The following IGSF10 variants were observed in gnomAD, a reference collection of about 807,000 sequenced individuals.
IGSF10 encodes the protein immunoglobulin superfamily member 10, also known as calvaria mechanical force protein 608.
A neutral mutation model predicts 128.2 loss-of-function variants in IGSF10; 126 were observed. The observed-to-expected ratio is 0.98, with a 90% CI of 0.85 to 1.14. IGSF10 has a LOEUF of 1.14. Ranked by LOEUF, IGSF10 falls within the 50% of genes most tolerant of loss-of-function variation. The probability of loss-of-function intolerance (pLI) is 0.00; values close to 1 mark genes in which losing one functional copy is unlikely to be tolerated. For missense variants in IGSF10, 3,295 were observed against 3,149.8 expected (o/e 1.05, Z -1.10); for synonymous variants, 1,185 against 1,146.2 (o/e 1.03, Z -0.68).
the IGSF10 span, among the ~76,000 whole-genome samples, chr3:151,611,519 C>T: frequency 6.6e-6 from 1 of 152,148 alleles, no homozygotes; most frequent in African/African-American, 2.4e-5. Context: ...AAAGAGAAAA[C>T]ACGAGAGCCA....
the IGSF10 span, among the ~76,000 whole-genome samples, chr3:151,533,531 C>T: frequency 6.6e-6 from 1 of 152,122 alleles, no homozygotes; most frequent in Non-Finnish European, 1.5e-5. Context: ...TTTGACAAAC[C>T]TGATAAAAAC....
chr3:151,618,228 G>A, the IGSF10 span, among the ~76,000 whole-genome samples: 1 of 152,084 alleles, frequency 6.6e-6, no homozygotes, highest in Non-Finnish European at 1.5e-5. Context: ...GAAGAGAGTC[G>A]TCACCAGTAA....
chr3:151,605,868 A>G, the IGSF10 span, among the ~76,000 whole-genome samples: 320 of 152,354 alleles, frequency 2.1e-3, 1 homozygote, highest in Non-Finnish European at 3.8e-3. Context: ...AGCTTAGACT[A>G]TATCAGAATC....
chr3:151,566,292 A>G, the IGSF10 span, among the ~76,000 whole-genome samples: 1 of 152,148 alleles, frequency 6.6e-6, no homozygotes, highest in African/African-American at 2.4e-5. Context: ...GATGAATAGT[A>G]GAAAAGATAG....
chr3:151,535,269 A>G, the IGSF10 span, among the ~76,000 whole-genome samples: 64 of 152,326 alleles, frequency 4.2e-4, no homozygotes, highest in East Asian at 0.01. Flanking sequence ...AAAAAATCCC[A>G]AATAAAAGAA....
At chr3:151,520,990 A>G in the IGSF10 span, among the ~76,000 whole-genome samples, 1 of 151,822 alleles carries the variant, frequency 6.6e-6, no homozygotes, top group Non-Finnish European at 1.5e-5. Context: ...GACCCATCTC[A>G]CACATAATGA....
rs1244901101 is a variant in IGSF10, at chr3:151,443,002, A to T, written c.5945T>A (p.Val1982Glu). 4 of 1,613,770 alleles carry T rather than the reference A, an allele frequency of 2.5e-6. No individual in the cohort carries two copies. The South Asian group carries it at 3.3e-5, about 13-fold the overall frequency. Residue 1982 changes from valine to glutamate, a missense_variant, in exon 7 of 8, where the codon GTG (valine) becomes GAG (glutamate). Transcript: ENST00000282466. ...GACTTACCTATGCTGCTGGTCGACCACAGCCTTGGATGGTAACCTCCACAT... is the reference window on the plus strand; with the variant it reads ...GACTTACCTATGCTGCTGGTCGACCTCAGCCTTGGATGGTAACCTCCACAT... ...QIMWRLPSKA[V>E]VDQQHRVGSW...
the IGSF10 span, among the ~76,000 whole-genome samples, chr3:151,474,165 C>A: frequency 6.6e-6 from 1 of 152,050 alleles, no homozygotes; most frequent in Non-Finnish European, 1.5e-5. Flanking sequence ...GAACATCATG[C>A]AGCTTTAGAT....
At chr3:151,515,665 T>C in the IGSF10 span, among the ~76,000 whole-genome samples, 1 of 150,742 alleles carries the variant, frequency 6.6e-6, no homozygotes, top group African/African-American at 2.4e-5. Flanking sequence ...ATGGAGAAGA[T>C]AAAATGACCA....
At chr3:151,619,462 GTGT>G in the IGSF10 span, among the ~76,000 whole-genome samples, 52 of 151,554 alleles carry the variant, frequency 3.4e-4, no homozygotes, top group East Asian at 7.5e-3. Flanking sequence ...GTGTGTGTGT[GTGT>G]GTGTGTGTAT....
the IGSF10 span, among the ~76,000 whole-genome samples, chr3:151,584,591 G>A: frequency 1.3e-5 from 2 of 152,182 alleles, no homozygotes; most frequent in African/African-American, 4.8e-5. Flanking sequence ...ATTTATCAAA[G>A]GAGTGCTTTA....
rs184916390 is a variant in IGSF10, at chr3:151,457,441, A to G, written c.195-286T>C. Reference sequence around the variant, plus strand: ...ATATATGCTGTTCCCTCAGGTTGGAATGCCCTTGACCTCACCTTTTTCTAT... The same window carrying G: ...ATATATGCTGTTCCCTCAGGTTGGAGTGCCCTTGACCTCACCTTTTTCTAT... On this transcript the variant is annotated intron_variant, in intron 3 of 7. Coordinates refer to ENST00000282466, the MANE Select transcript of IGSF10 (RefSeq NM_178822.5). Among the ~76,000 whole-genome samples, 49 of 152,302 alleles carry G rather than the reference A, an allele frequency of 3.2e-4. 1 individual carries two copies. Among genetic ancestry groups the G allele is most frequent in the Middle Eastern group, 3.4e-3 (1 of 294 alleles).
chr3:151,547,305 A>G, the IGSF10 span, among the ~76,000 whole-genome samples: 1 of 152,062 alleles, frequency 6.6e-6, no homozygotes, highest in South Asian at 2.1e-4. Context: ...AATGCTTTTC[A>G]CAGCTGAGCA....
At chr3:151,436,005 C>A (rs2108512866), downstream of IGSF10, 1 of 152,206 alleles carries the variant, frequency 6.6e-6, no homozygotes, top group South Asian at 2.1e-4. Context: ...TTTTTAAAAC[C>A]TTTTTAATGG....
At chr3:151,592,013 A>C in the IGSF10 span, among the ~76,000 whole-genome samples, 1 of 152,194 alleles carries the variant, frequency 6.6e-6, no homozygotes, top group South Asian at 2.1e-4. Flanking sequence ...GTCTTTAAAA[A>C]TATTTTTTAA....
chr3:151,593,880 G>A, the IGSF10 span, among the ~76,000 whole-genome samples: 1 of 151,986 alleles, frequency 6.6e-6, no homozygotes, highest in South Asian at 2.1e-4. Flanking sequence ...AGAGAAAAGG[G>A]AAAGACTGCA....
the IGSF10 span, among the ~76,000 whole-genome samples, chr3:151,476,542 G>A: frequency 1.3e-5 from 2 of 152,040 alleles, no homozygotes; most frequent in South Asian, 2.1e-4. Context: ...GGTATCTTCC[G>A]GCCAGCTCTC....
chr3:151,610,460 A>G, the IGSF10 span, among the ~76,000 whole-genome samples: 1 of 152,184 alleles, frequency 6.6e-6, no homozygotes, highest in Non-Finnish European at 1.5e-5. Flanking sequence ...AAAACTTTAT[A>G]TGGAGGCAGT....
the IGSF10 span, among the ~76,000 whole-genome samples, chr3:151,578,162 A>C: frequency 3.3e-5 from 5 of 152,204 alleles, no homozygotes; most frequent in Admixed American, 3.3e-4. Context: ...ATCTTCAATA[A>C]AATTTGTTTC....
Sources: allele counts gnomAD v4.1 joint callset (sites outside exome capture counted in the v4.1 genomes callset), GRCh38; gene constraint gnomAD v4.1.1; transcripts MANE v1.5; gene names NCBI Gene and HGNC (gene_info 2026-07-23, HGNC 2026-07-21).